COL5A2: variants seen among roughly 807,000 people sequenced by gnomAD.
The protein encoded by COL5A2 is collagen alpha-2(V) chain.
A neutral mutation model predicts 208.2 loss-of-function variants in COL5A2; 23 were observed. That is an observed-to-expected ratio of 0.11 (90% CI 0.08 to 0.16). The LOEUF (loss-of-function observed/expected upper bound fraction) is 0.16, where lower values mean the gene tolerates loss of function less well. COL5A2 is among the 10% of genes least tolerant of loss of function. The pLI, the probability that COL5A2 is intolerant of heterozygous loss-of-function variation, is 1.00. For missense variants in COL5A2, 1,590 were observed against 1,956.4 expected (o/e 0.81, Z 3.53); for synonymous variants, 625 against 628.5 (o/e 0.99, Z 0.08).
chr2:189,376,929 T>C, the COL5A2 span, among the ~76,000 whole-genome samples: 1 of 152,178 alleles, frequency 6.6e-6, no homozygotes, highest in Non-Finnish European at 1.5e-5. Context: ...TTAAAATAAA[T>C]AGCAGCTGCT....
At chr2:189,085,085 C>T (rs1248460297) in intron 11 of COL5A2, 75 bp downstream of exon 11, 16 of 1,188,968 alleles carry the variant, frequency 1.3e-5, no homozygotes, top group Non-Finnish European at 1.6e-5. Flanking sequence ...GAAATTAATA[C>T]AGAACATTCT....
At chr2:189,401,846 T>C in the COL5A2 span, among the ~76,000 whole-genome samples, 21,595 of 152,264 alleles carry the variant, frequency 0.14, 1,959 homozygotes, top group South Asian at 0.21. Context: ...TTTTCATGTT[T>C]GTTGGCCCCA....
chr2:189,210,426 G>A (rs1297475958), intron 1 of COL5A2, among the ~76,000 whole-genome samples: 10 of 111,436 alleles, frequency 9.0e-5, no homozygotes, highest in African/African-American at 1.7e-4. Flanking sequence ...TACATTTGTT[G>A]AGCTTGAAAA....
chr2:189,290,601 G>A, the COL5A2 span, among the ~76,000 whole-genome samples: 2 of 151,992 alleles, frequency 1.3e-5, no homozygotes, highest in African/African-American at 4.8e-5. Flanking sequence ...TGAATCAAGG[G>A]GTGAATTTGC....
At chr2:189,157,818 T>G (rs1395350768) in intron 1 of COL5A2, among the ~76,000 whole-genome samples, 1 of 152,038 alleles carries the variant, frequency 6.6e-6, no homozygotes. Flanking sequence ...ATGAAATCAC[T>G]GCAATAATAA....
chr2:189,392,466 G>C, the COL5A2 span, among the ~76,000 whole-genome samples: 26 of 152,056 alleles, frequency 1.7e-4, no homozygotes, highest in Admixed American at 1.3e-3. Context: ...AATAAAATCA[G>C]AGTTTACATG....
At chr2:189,069,371 A>G (rs1170804823) in intron 18 of COL5A2, among the ~76,000 whole-genome samples, 2 of 152,212 alleles carry the variant, frequency 1.3e-5, no homozygotes, top group Non-Finnish European at 2.9e-5. Flanking sequence ...ATATTCTTAA[A>G]TCCACATGGT....
At chr2:189,178,576 G>A (rs1688721993) in intron 1 of COL5A2, among the ~76,000 whole-genome samples, 1 of 151,876 alleles carries the variant, frequency 6.6e-6, no homozygotes, top group South Asian at 2.1e-4. Flanking sequence ...AGATTTAATA[G>A]AGGAATCAAT....
chr2:189,210,863 G>A (rs940884519), intron 1 of COL5A2, among the ~76,000 whole-genome samples: 5 of 152,272 alleles, frequency 3.3e-5, no homozygotes, highest in African/African-American at 9.6e-5. Context: ...GGGTGGGACC[G>A]AAGGTTTGCT....
At chr2:189,314,590 C>G in the COL5A2 span, among the ~76,000 whole-genome samples, 2 of 152,096 alleles carry the variant, frequency 1.3e-5, no homozygotes, top group African/African-American at 4.8e-5. Context: ...AAAAACACAG[C>G]TGAACTGAAG....
At chr2:189,085,051 C>A in intron 11 of COL5A2, 109 bp downstream of exon 11, 1 of 890,824 alleles carries the variant, frequency 1.1e-6, no homozygotes, top group South Asian at 1.4e-5. Flanking sequence ...TTAATGCAAG[C>A]TAAAAGGGTG....
the COL5A2 span, among the ~76,000 whole-genome samples, chr2:189,255,897 A>G: frequency 6.6e-6 from 1 of 152,230 alleles, no homozygotes; most frequent in Non-Finnish European, 1.5e-5. Context: ...GAGTAAGATT[A>G]TGATAGAAAA....
intron 1 of COL5A2, among the ~76,000 whole-genome samples, chr2:189,210,724 T>C (rs559945187): frequency 6.6e-6 from 1 of 152,370 alleles, no homozygotes; most frequent in South Asian, 2.1e-4. Context: ...TTGTCAGCTA[T>C]ATTTAAGCAT....
the COL5A2 span, among the ~76,000 whole-genome samples, chr2:189,322,576 G>A: frequency 6.6e-6 from 1 of 152,162 alleles, no homozygotes; most frequent in Non-Finnish European, 1.5e-5. Context: ...AGAAAATCTA[G>A]AAGAAATGGA....
chr2:189,335,851 C>T, the COL5A2 span, among the ~76,000 whole-genome samples: 3 of 151,954 alleles, frequency 2.0e-5, no homozygotes, highest in African/African-American at 4.8e-5. Flanking sequence ...GGTTGCACAA[C>T]TTTGTGAATA....
the COL5A2 span, among the ~76,000 whole-genome samples, chr2:189,440,284 C>G: frequency 6.6e-6 from 1 of 152,136 alleles, no homozygotes; most frequent in Non-Finnish European, 1.5e-5. Flanking sequence ...GGGATATGTT[C>G]TAAGAAATGC....
chr2:189,181,267 T>A (rs1329465210), upstream of COL5A2, among the ~76,000 whole-genome samples: 1 of 152,146 alleles, frequency 6.6e-6, no homozygotes, highest in Non-Finnish European at 1.5e-5. Context: ...ATTTTCCCGG[T>A]TGTTTCCAGC....
At chr2:189,222,290 T>A (rs1031494468) in intron 1 of COL5A2, among the ~76,000 whole-genome samples, 5 of 152,178 alleles carry the variant, frequency 3.3e-5, no homozygotes, top group Non-Finnish European at 5.9e-5. Flanking sequence ...AGATTCAGAT[T>A]CAGTAGGATT....
At chr2:189,309,077 G>A in the COL5A2 span, among the ~76,000 whole-genome samples, 1 of 152,176 alleles carries the variant, frequency 6.6e-6, no homozygotes. Context: ...AGCTCCTTTT[G>A]TTACAGGAGG....
Sources: gnomAD v4.1 joint callset for allele counts (sites outside exome capture counted in the v4.1 genomes callset) on GRCh38, gnomAD v4.1.1 for gene constraint, MANE v1.5 for transcripts, NCBI Gene and HGNC (gene_info 2026-07-23, HGNC 2026-07-21) for gene names.